C1QTNF3: variants seen among roughly 807,000 people sequenced by gnomAD.
C1QTNF3 encodes C1q and TNF related 3.
Under a neutral mutation model 32.6 loss-of-function variants are expected in C1QTNF3, and 26 were observed. The ratio of observed to expected loss-of-function variants is 0.80; its 90% CI spans 0.58 to 1.11. The LOEUF (loss-of-function observed/expected upper bound fraction) is 1.11, where lower values mean the gene tolerates loss of function less well. Among genes scored for constraint, C1QTNF3 ranks in the 50% least tolerant of loss-of-function variants. The pLI is 0.00. For missense variants in C1QTNF3, 362 were observed against 398.2 expected (o/e 0.91, Z 0.77); for synonymous variants, 155 against 146.0 (o/e 1.06, Z -0.44).
the C1QTNF3 span, among the ~76,000 whole-genome samples, chr5:34,148,010 G>C: frequency 6.6e-6 from 1 of 152,108 alleles, no homozygotes; most frequent in Non-Finnish European, 1.5e-5. Flanking sequence ...CACCATGCGC[G>C]AGCCGAAGCA....
At chr5:34,044,711 C>G (rs1754957369), upstream of C1QTNF3, among the ~76,000 whole-genome samples, 1 of 152,014 alleles carries the variant, frequency 6.6e-6, no homozygotes, top group Non-Finnish European at 1.5e-5. Flanking sequence ...GCTCTCCAGG[C>G]CACAGTTCAG....
the C1QTNF3 span, among the ~76,000 whole-genome samples, chr5:34,105,059 T>C: frequency 6.6e-6 from 1 of 152,238 alleles, no homozygotes; most frequent in South Asian, 2.1e-4. Context: ...TCTTGTGTTT[T>C]AGATTCCATG....
the C1QTNF3 span, among the ~76,000 whole-genome samples, chr5:34,088,341 T>C: frequency 6.6e-6 from 1 of 152,198 alleles, no homozygotes; most frequent in Non-Finnish European, 1.5e-5. Flanking sequence ...TGTAATGTAG[T>C]TGTGTTAATG....
chr5:34,222,781 T>C, the C1QTNF3 span, among the ~76,000 whole-genome samples: 1 of 152,024 alleles, frequency 6.6e-6, no homozygotes, highest in Non-Finnish European at 1.5e-5. Flanking sequence ...ATTTCATATA[T>C]TTTCTCATAG....
chr5:34,194,975 T>C, the C1QTNF3 span, among the ~76,000 whole-genome samples: 67 of 151,908 alleles, frequency 4.4e-4, no homozygotes, highest in African/African-American at 1.3e-3. Flanking sequence ...AATTTTTTTT[T>C]CCAATATTTC....
At chr5:34,136,793 T>G in the C1QTNF3 span, among the ~76,000 whole-genome samples, 2 of 152,192 alleles carry the variant, frequency 1.3e-5, no homozygotes, top group African/African-American at 4.8e-5. Flanking sequence ...ATGTGGCACA[T>G]AGACACCATG....
At chr5:34,180,612 G>C in the C1QTNF3 span, among the ~76,000 whole-genome samples, 4 of 151,950 alleles carry the variant, frequency 2.6e-5, no homozygotes, top group Admixed American at 1.3e-4. Context: ...TCCCCGATTG[G>C]AGAGTCAGGG....
At chr5:34,033,173 T>C in intron 3 of C1QTNF3, 131 bp downstream of exon 3, 1 of 981,920 alleles carries the variant, frequency 1.0e-6, no homozygotes, top group Non-Finnish European at 1.5e-6. Context: ...GTGATGTAGA[T>C]GAACAAACTG....
chr5:34,081,433 TATC>T, the C1QTNF3 span, among the ~76,000 whole-genome samples: 1 of 151,842 alleles, frequency 6.6e-6, no homozygotes, highest in Non-Finnish European at 1.5e-5. Context: ...TCCTTTTATA[TATC>T]ATCATCTTAA....
the C1QTNF3 span, among the ~76,000 whole-genome samples, chr5:34,159,938 C>T: frequency 8.6e-5 from 13 of 151,042 alleles, no homozygotes; most frequent in Non-Finnish European, 1.3e-4. Context: ...ATTATGAGTA[C>T]ATAAATAATT....
chr5:34,201,034 T>C, the C1QTNF3 span: 3 of 152,124 alleles, frequency 2.0e-5, no homozygotes, highest in Admixed American at 6.5e-5. Flanking sequence ...TTCACTTATC[T>C]ATGGTTTTTA....
chr5:34,035,241 G>C (rs991055593), intron 2 of C1QTNF3, among the ~76,000 whole-genome samples: 4 of 152,162 alleles, frequency 2.6e-5, no homozygotes, highest in Non-Finnish European at 4.4e-5. Context: ...GTTTCCATGA[G>C]GTCAAGAGTG....
chr5:34,075,876 GGTGT>G, the C1QTNF3 span, among the ~76,000 whole-genome samples: 77,005 of 146,800 alleles, frequency 0.52, 21,356 homozygotes, highest in Non-Finnish European at 0.61. Context: ...AAACAATTAT[GGTGT>G]GTGTGTGTGT....
the C1QTNF3 span, among the ~76,000 whole-genome samples, chr5:34,082,837 T>C: frequency 6.6e-6 from 1 of 151,808 alleles, no homozygotes; most frequent in Non-Finnish European, 1.5e-5. Context: ...AGTCAGAATG[T>C]TGTTTCATGA....
At position 34,020,458 on chromosome 5, in the gene C1QTNF3, A is replaced by C; in HGVS notation, c.*125T>G. On this transcript the variant is annotated 3_prime_UTR_variant, in exon 6 of 6. Coordinates refer to ENST00000382065, the MANE Select transcript of C1QTNF3 (RefSeq NM_181435.6). ...TTATTGGTGTACCTGTAGCGTGAAC[A>C]ACATTGCAACCAATAATTTTTTGAA... 1 of 1,162,984 alleles carries C rather than the reference A, an allele frequency of 8.6e-7. No individual in the cohort carries two copies. The highest frequency in any genetic ancestry group is 1.2e-6 in the Non-Finnish European group (1 of 813,394). 72.0% of individuals were successfully genotyped at this position (1,162,984 alleles called of 1,614,324 possible). A position where few individuals can be genotyped will look rare whatever the true frequency, so the allele number is the denominator to read the frequency against.
the C1QTNF3 span, among the ~76,000 whole-genome samples, chr5:34,092,314 A>G: frequency 6.6e-6 from 1 of 151,868 alleles, no homozygotes; most frequent in African/African-American, 2.4e-5. Flanking sequence ...CATGGAAGAC[A>G]TGGGAAAAAA....
the C1QTNF3 span, among the ~76,000 whole-genome samples, chr5:34,048,690 CAAAA>C: frequency 7.3e-6 from 1 of 137,892 alleles, no homozygotes. Context: ...AACAGCAAGC[CAAAA>C]AAAAAAAAAA....
chr5:34,220,488 T>C, the C1QTNF3 span, among the ~76,000 whole-genome samples: 1 of 143,534 alleles, frequency 7.0e-6, no homozygotes, highest in East Asian at 2.0e-4. Flanking sequence ...TGAGTTCAGT[T>C]AGCATACACA....
chr5:34,057,856 C>T, the C1QTNF3 span, among the ~76,000 whole-genome samples: 1 of 152,188 alleles, frequency 6.6e-6, no homozygotes, highest in Non-Finnish European at 1.5e-5. Context: ...ACAGTTTCTG[C>T]AGCAGAGCCA....
Sources: allele counts gnomAD v4.1 joint callset (sites outside exome capture counted in the v4.1 genomes callset), GRCh38; gene constraint gnomAD v4.1.1; transcripts MANE v1.5; gene names NCBI Gene and HGNC (gene_info 2026-07-23, HGNC 2026-07-21).